Variants in CADPS2 observed in about 807,000 individuals in gnomAD.
CADPS2 encodes the protein calcium dependent secretion activator 2.
In CADPS2, 93 loss-of-function variants were observed where a neutral mutation model predicts 172.5. The ratio of observed to expected loss-of-function variants is 0.54; its 90% CI spans 0.46 to 0.64. The LOEUF (loss-of-function observed/expected upper bound fraction) is 0.64, where lower values mean the gene tolerates loss of function less well. Ranked by LOEUF, CADPS2 falls within the 30% of genes least tolerant of loss-of-function variation. CADPS2 has a pLI of 0.00. For missense variants in CADPS2, 1,420 were observed against 1,565.9 expected (o/e 0.91, Z 1.57); for synonymous variants, 546 against 555.2 (o/e 0.98, Z 0.23).
chr7:122,642,530 C>G (rs2134560715), intron 3 of CADPS2, among the ~76,000 whole-genome samples: 1 of 138,526 alleles, frequency 7.2e-6, no homozygotes, highest in African/African-American at 2.7e-5. Context: ...AAAATAACTA[C>G]TAAGTTTCAC....
Position 122,663,224 on chromosome 7 carries a change from A to C in CADPS2, c.786+13T>G. 1 of 1,576,214 alleles carries C rather than the reference A, an allele frequency of 6.3e-7. No homozygotes were observed. Among genetic ancestry groups the C allele is most frequent in the Non-Finnish European group, 8.7e-7 (1 of 1,150,380 alleles). Reference sequence around the variant, plus strand: ...GTCAGACAGGGGAAGGGAAAATATCAGAGACCACTTACCTGACATGCATTA... The same window carrying C: ...GTCAGACAGGGGAAGGGAAAATATCCGAGACCACTTACCTGACATGCATTA... On this transcript the variant is annotated intron_variant, in intron 3 of 29. Transcript: ENST00000449022.
chr7:122,448,438 A>G (rs1753464350), intron 15 of CADPS2, among the ~76,000 whole-genome samples: 1 of 152,244 alleles, frequency 6.6e-6, no homozygotes, highest in Admixed American at 6.5e-5. Context: ...GAACCAAATC[A>G]TATCAGGATT....
intron 15 of CADPS2, among the ~76,000 whole-genome samples, chr7:122,446,442 A>C (rs983148073): frequency 1.8e-4 from 28 of 151,906 alleles, no homozygotes; most frequent in Admixed American, 4.6e-4. Context: ...AGTTGTGTTA[A>C]TTTTTTTCCC....
intron 2 of CADPS2, among the ~76,000 whole-genome samples, chr7:122,728,168 T>C (rs2091293578): frequency 6.6e-6 from 1 of 151,898 alleles, no homozygotes; most frequent in Non-Finnish European, 1.5e-5. Flanking sequence ...AAATTTTTCA[T>C]CAAAATATTT....
At chr7:122,671,344 T>C (rs1207672931) in intron 2 of CADPS2, among the ~76,000 whole-genome samples, 3 of 152,042 alleles carry the variant, frequency 2.0e-5, no homozygotes, top group Non-Finnish European at 4.4e-5. Context: ...ATGATTTAAT[T>C]CCCCCATCCA....
intron 2 of CADPS2, among the ~76,000 whole-genome samples, chr7:122,709,699 T>C (rs897543434): frequency 3.3e-5 from 5 of 152,018 alleles, no homozygotes; most frequent in East Asian, 1.9e-4. Context: ...AAATATGGCA[T>C]ATATACACCA....
At chr7:122,383,388 T>C (rs1361608249) in intron 24 of CADPS2, among the ~76,000 whole-genome samples, 1 of 151,944 alleles carries the variant, frequency 6.6e-6, no homozygotes, top group Non-Finnish European at 1.5e-5. Context: ...AGTACTATGC[T>C]CAATACCCAG....
Position 122,393,443 on chromosome 7 carries a change from G to A in CADPS2, c.2886C>T (p.Val962=), listed in dbSNP as rs1422586449. 6.2e-7 allele frequency: 1 copy of A among 1,613,808 alleles called. No individual in the cohort carries two copies. Among genetic ancestry groups the A allele is most frequent in the Admixed American group, 1.7e-5 (1 of 60,016 alleles). ...RGFEQETWQP[V]KNIANSLPNV... Reference sequence around the variant, plus strand: ...CGGACACTAGGTAAGATACCTACTTGACAGGCTGCCATGTCTCCTGCTCAA... The same window carrying A: ...CGGACACTAGGTAAGATACCTACTTAACAGGCTGCCATGTCTCCTGCTCAA... Residue 962 remains valine, a splice_region_variant and synonymous_variant, in exon 21 of 30, where the codon GTC becomes GTT. Transcript: ENST00000449022.
At position 122,634,262 on chromosome 7, in the gene CADPS2, A is replaced by T. The variant is rs142597737; in HGVS notation, c.787-4934T>A. Among the ~76,000 whole-genome samples, 3 of 152,256 alleles carry T rather than the reference A, an allele frequency of 2.0e-5. No individual in the cohort carries two copies. The East Asian group carries it at 5.8e-4, about 29-fold the overall frequency. ...CGGTTCTTCTTTGTACATCTGGTAG[A>T]ATTCAGCTATAAATGCTGAGCTAAG... On this transcript the variant is annotated intron_variant, in intron 3 of 29. Coordinates refer to ENST00000449022, the MANE Select transcript of CADPS2 (RefSeq NM_017954.11).
chr7:122,728,854 T>G (rs2091361529), intron 2 of CADPS2, among the ~76,000 whole-genome samples: 1 of 151,766 alleles, frequency 6.6e-6, no homozygotes, highest in Admixed American at 6.6e-5. Context: ...CAAATTAGGG[T>G]ATTCAGGATG....
intron 15 of CADPS2, among the ~76,000 whole-genome samples, 193 bp downstream of exon 15, chr7:122,451,181 T>C (rs1307281058): frequency 6.6e-6 from 1 of 151,952 alleles, no homozygotes; most frequent in Non-Finnish European, 1.5e-5. Flanking sequence ...CTAGCCTAAA[T>C]GAATACAGGA....
At chr7:122,657,773 C>T (rs544106272) in intron 3 of CADPS2, among the ~76,000 whole-genome samples, 2 of 152,252 alleles carry the variant, frequency 1.3e-5, no homozygotes, top group African/African-American at 2.4e-5. Flanking sequence ...AATTTGACTT[C>T]CTCTTTTCCT....
intron 15 of CADPS2, among the ~76,000 whole-genome samples, chr7:122,443,418 A>G (rs1321836398): frequency 6.6e-6 from 1 of 152,198 alleles, no homozygotes; most frequent in Non-Finnish European, 1.5e-5. Flanking sequence ...ACAGCAAAGC[A>G]AAGTGGAAAA....
At chr7:122,740,173 G>A (rs2092388575) in intron 1 of CADPS2, among the ~76,000 whole-genome samples, 2 of 152,094 alleles carry the variant, frequency 1.3e-5, no homozygotes, top group African/African-American at 4.8e-5. Context: ...CAGGTTGATG[G>A]TTTCTTACAA....
chr7:122,710,077 C>A (rs1453592227), intron 2 of CADPS2, among the ~76,000 whole-genome samples: 2 of 90,686 alleles, frequency 2.2e-5, no homozygotes, highest in African/African-American at 3.3e-5. Context: ...GACCTTCTGC[C>A]AACCCAAAAA....
chr7:122,815,889 T>G (rs1440616046), intron 1 of CADPS2, among the ~76,000 whole-genome samples: 1 of 152,178 alleles, frequency 6.6e-6, no homozygotes, highest in African/African-American at 2.4e-5. Context: ...ATTAAAAGTT[T>G]TATTGATACC....
chr7:122,536,956 C>T (rs1388659834), intron 8 of CADPS2, among the ~76,000 whole-genome samples: 6 of 151,684 alleles, frequency 4.0e-5, no homozygotes, highest in African/African-American at 2.4e-5. Context: ...CACTTATAAG[C>T]GGGAGATAAA....
chr7:122,366,173 A>T (rs1452580228), intron 25 of CADPS2, among the ~76,000 whole-genome samples: 2 of 151,632 alleles, frequency 1.3e-5, no homozygotes, highest in African/African-American at 2.4e-5. Flanking sequence ...GAATTTAGTT[A>T]AAAAACTTTT....
chr7:122,445,440 T>A (rs984341696), intron 15 of CADPS2, among the ~76,000 whole-genome samples: 2 of 152,166 alleles, frequency 1.3e-5, no homozygotes, highest in African/African-American at 4.8e-5. Context: ...CCCAAAGTAT[T>A]TCATATTTTT....
Sources: gnomAD v4.1 joint callset for allele counts (sites outside exome capture counted in the v4.1 genomes callset) on GRCh38, gnomAD v4.1.1 for gene constraint, MANE v1.5 for transcripts, NCBI Gene and HGNC (gene_info 2026-07-23, HGNC 2026-07-21) for gene names.